The following RALGPS2 variants were observed in gnomAD, a reference collection of about 807,000 sequenced individuals.
RALGPS2 encodes Ral GEF with PH domain and SH3 binding motif 2, also known as ras-specific guanine nucleotide-releasing factor RalGPS2.
RALGPS2 carries 43 observed loss-of-function variants against 86.8 expected under a neutral mutation model. The observed-to-expected ratio is 0.50, with a 90% CI of 0.39 to 0.64. The LOEUF is 0.64. Among genes scored for constraint, RALGPS2 ranks in the 30% least tolerant of loss-of-function variants. RALGPS2 has a pLI of 0.00. For missense variants in RALGPS2, 536 were observed against 694.6 expected (o/e 0.77, Z 2.57); for synonymous variants, 243 against 231.3 (o/e 1.05, Z -0.46).
intron 1 of RALGPS2, among the ~76,000 whole-genome samples, chr1:178,771,601 GTCTGT>G (rs1336552227): frequency 1.3e-5 from 2 of 152,042 alleles, no homozygotes; most frequent in African/African-American, 2.4e-5. Context: ...CTAGTAAGCA[GTCTGT>G]GAGGAAAAAC....
chr1:178,800,621 T>C (rs1654423856), intron 4 of RALGPS2, among the ~76,000 whole-genome samples: 2 of 152,314 alleles, frequency 1.3e-5, no homozygotes, highest in East Asian at 3.9e-4. Flanking sequence ...GTTAATCACC[T>C]GTTGATGTTA....
At chr1:178,809,974 G>A in intron 5 of RALGPS2, among the ~76,000 whole-genome samples, 1 of 152,120 alleles carries the variant, frequency 6.6e-6, no homozygotes, top group South Asian at 2.1e-4. Context: ...TAAGCCAGGT[G>A]CAGTGGCAAG....
At chr1:178,822,637 G>A (rs1372850068) in intron 7 of RALGPS2, among the ~76,000 whole-genome samples, 1 of 151,956 alleles carries the variant, frequency 6.6e-6, no homozygotes, top group Non-Finnish European at 1.5e-5. Context: ...AAAAGCTTGT[G>A]ATCCTTTTTA....
intron 8 of RALGPS2, among the ~76,000 whole-genome samples, chr1:178,875,519 G>A (rs973668058): frequency 4.6e-5 from 7 of 152,096 alleles, no homozygotes; most frequent in South Asian, 2.1e-4. Context: ...AGGCTGAGGC[G>A]GGTGGATCAC....
At chr1:178,816,584 C>T (rs1229423600) in intron 6 of RALGPS2, among the ~76,000 whole-genome samples, 2 of 151,538 alleles carry the variant, frequency 1.3e-5, no homozygotes, top group Non-Finnish European at 2.9e-5. Context: ...TAATGAAGTC[C>T]CATTTGTTAT....
At chr1:178,877,778 T>A in intron 9 of RALGPS2, 143 bp downstream of exon 9, 5 of 1,080,538 alleles carry the variant, frequency 4.6e-6, no homozygotes, top group Non-Finnish European at 6.5e-6. Context: ...TAATGCTTGT[T>A]TTATTTTGCC....
At chr1:178,834,021 G>A (rs767068795) in intron 8 of RALGPS2, among the ~76,000 whole-genome samples, 5 of 152,052 alleles carry the variant, frequency 3.3e-5, no homozygotes, top group Admixed American at 6.6e-5. Flanking sequence ...AGACAGTTCT[G>A]TATTTCGCAT....
At chr1:178,733,039 C>CT (rs941683036) in intron 1 of RALGPS2, among the ~76,000 whole-genome samples, 14 of 151,884 alleles carry the variant, frequency 9.2e-5, no homozygotes, top group Non-Finnish European at 1.9e-4. Context: ...GTAAAGCTTT[C>CT]TTTTTTTTCC....
At chr1:178,807,796 G>GA (rs758180688) in intron 4 of RALGPS2, among the ~76,000 whole-genome samples, 1 of 152,144 alleles carries the variant, frequency 6.6e-6, no homozygotes, top group Non-Finnish European at 1.5e-5. Flanking sequence ...TTTCAGAAAA[G>GA]AATCCACCAG....
intron 17 of RALGPS2, among the ~76,000 whole-genome samples, chr1:178,898,647 G>A (rs1012853458): frequency 4.0e-5 from 6 of 151,868 alleles, no homozygotes; most frequent in African/African-American, 1.4e-4. Context: ...TCTTCATAGT[G>A]TTAGCATATA....
chr1:178,755,795 C>T (rs1651927459), intron 1 of RALGPS2, among the ~76,000 whole-genome samples: 1 of 152,164 alleles, frequency 6.6e-6, no homozygotes, highest in African/African-American at 2.4e-5. Flanking sequence ...GTACTATTTA[C>T]ATCCCCACCA....
At chr1:178,838,737 A>G (rs1293221278) in intron 8 of RALGPS2, among the ~76,000 whole-genome samples, 2 of 152,188 alleles carry the variant, frequency 1.3e-5, no homozygotes, top group African/African-American at 4.8e-5. Flanking sequence ...GGAAGTTCGA[A>G]TCCGTCGCAA....
chr1:178,878,773 C>T, intron 9 of RALGPS2, 129 bp from the exon 10 acceptor site: 2 of 1,218,332 alleles, frequency 1.6e-6, no homozygotes, highest in Non-Finnish European at 2.3e-6. Flanking sequence ...TCAGTAATGT[C>T]CTTCTAGAGT....
intron 2 of RALGPS2, among the ~76,000 whole-genome samples, chr1:178,781,402 C>A (rs146176022): frequency 6.6e-6 from 1 of 152,142 alleles, no homozygotes; most frequent in East Asian, 1.9e-4. Context: ...TTTGAAGTTT[C>A]CGTCAGTAGG....
At chr1:178,903,823 T>C (rs575354651) in intron 18 of RALGPS2, among the ~76,000 whole-genome samples, 150 of 152,312 alleles carry the variant, frequency 9.8e-4, no homozygotes, top group African/African-American at 3.3e-3. Flanking sequence ...CGCATGCAAG[T>C]ATCTTTTTCA....
chr1:178,861,574 G>C (rs1489044424), intron 8 of RALGPS2, among the ~76,000 whole-genome samples: 1 of 151,964 alleles, frequency 6.6e-6, no homozygotes, highest in East Asian at 1.9e-4. Flanking sequence ...ATTTCTGCTA[G>C]AATTGGTTAT....
intron 1 of RALGPS2, among the ~76,000 whole-genome samples, chr1:178,739,552 G>C (rs892006019): frequency 2.6e-5 from 4 of 152,178 alleles, no homozygotes; most frequent in Non-Finnish European, 4.4e-5. Flanking sequence ...TTGTTGGCAC[G>C]ATTTGGATTG....
rs1423668423 is a variant in RALGPS2, at chr1:178,797,310, AT to A, written c.214-10722del. Among the ~76,000 whole-genome samples, 348 of 146,558 alleles carry A rather than the reference AT, an allele frequency of 2.4e-3. 1 individual carries two copies. Among genetic ancestry groups the A allele is most frequent in the African/African-American group, 4.5e-3 (180 of 40,242 alleles). Reference sequence around the variant, plus strand: ...AGAGATAGAGACAAAGGGAAAAGCAATTTTTTTTTTTTTAATCACAGAGAAA... The same window carrying A: ...AGAGATAGAGACAAAGGGAAAAGCAATTTTTTTTTTTTAATCACAGAGAAA... On this transcript the variant is annotated intron_variant, in intron 4 of 19. Coordinates refer to ENST00000367635, the MANE Select transcript of RALGPS2 (RefSeq NM_152663.5).
At chr1:178,845,378 C>A (rs562086715) in intron 8 of RALGPS2, among the ~76,000 whole-genome samples, 1 of 152,122 alleles carries the variant, frequency 6.6e-6, no homozygotes, top group East Asian at 1.9e-4. Context: ...AAATACTTTT[C>A]TTATAACCCT....
Sources: allele counts gnomAD v4.1 joint callset (sites outside exome capture counted in the v4.1 genomes callset), GRCh38; gene constraint gnomAD v4.1.1; transcripts MANE v1.5; gene names NCBI Gene and HGNC (gene_info 2026-07-23, HGNC 2026-07-21).